MTRR: variants seen among roughly 807,000 people sequenced by gnomAD.
The protein encoded by MTRR is methionine synthase reductase.
Under a neutral mutation model 79.2 loss-of-function variants are expected in MTRR, and 63 were observed. That is an observed-to-expected ratio of 0.80 (90% CI 0.65 to 0.98). The LOEUF (loss-of-function observed/expected upper bound fraction) is 0.98, where lower values mean the gene tolerates loss of function less well. Among genes scored for constraint, MTRR ranks in the 50% least tolerant of loss-of-function variants. The pLI is 0.00. For synonymous variants in MTRR, 355 were observed against 313.3 expected, an observed-to-expected ratio of 1.13 and a Z score of -1.41; for missense variants, 895 against 839.6, an observed-to-expected ratio of 1.07 and a Z score of -0.82.
At position 7,878,015 on chromosome 5, in the gene MTRR, G is replaced by A. The variant is rs150853519; in HGVS notation, c.473G>A (p.Arg158Lys). Reference protein sequence around the residue: ...PALRKHFRSSRGQEEISGALP... With the variant: ...PALRKHFRSSKGQEEISGALP... ...CTCAGAAAGCATTTTAGGTCAAGCA[G>A]AGGACAAGAGGAGATAAGTGGCGCA... The change falls in exon 5 of 15, where the codon AGA (arginine) becomes AAA (lysine). Residue 158 changes from arginine (R) to lysine (K), a missense_variant. Coordinates refer to ENST00000440940, the MANE Select transcript of MTRR (RefSeq NM_002454.3). The A allele has an allele frequency of 1.9e-6, 3 of 1,613,764 alleles. No homozygotes were observed. Among genetic ancestry groups the A allele is most frequent in the Non-Finnish European group, 2.5e-6 (3 of 1,179,978 alleles).
chr5:7,896,460 C>CT, intron 12 of MTRR: 1 of 238,728 alleles, frequency 4.2e-6, no homozygotes, highest in Non-Finnish European at 8.2e-6. Flanking sequence ...ACAGATGTCT[C>CT]TGTCTCATCA....
chr5:7,885,955 G>A (rs1238909542), intron 7 of MTRR, 101 bp downstream of exon 7: 10 of 1,471,224 alleles, frequency 6.8e-6, no homozygotes, highest in East Asian at 2.3e-5. Flanking sequence ...TGTGTTGGCC[G>A]CACAGATGCC....
Position 7,886,640 on chromosome 5 carries a change from T to C in MTRR, c.1083T>C (p.Pro361=), listed in dbSNP as rs1405600544. 6.2e-6 allele frequency: 10 copies of C among 1,613,946 alleles called. No homozygotes were observed. In the Admixed American group the frequency reaches 6.7e-5, roughly 11 times the overall value. The change falls in exon 8 of 15, where the codon CCT becomes CCC. Residue 361 remains proline, a synonymous_variant. Transcript: ENST00000440940. ...KKGATLPQHI[P]AGCSLQFIFT... is the part of the protein sequence containing the mutation. ...GAGCTACCTTACCCCAGCATATACC[T>C]GCGGGATGTTCTCTCCAGTTCATTT...
intron 2 of MTRR, chr5:7,862,841 G>T (rs768752138): frequency 1.2e-6 from 2 of 1,613,088 alleles, no homozygotes; most frequent in Non-Finnish European, 1.7e-6. Context: ...TAACAATAGG[G>T]TGTCAACACT....
chr5:7,886,733 A>G (rs528550236), intron 8 of MTRR, 30 bp downstream of exon 8: 20 of 1,501,648 alleles, frequency 1.3e-5, no homozygotes, highest in East Asian at 2.3e-5. Flanking sequence ...TCAGGTAACT[A>G]TTTTAAAATA....
chr5:7,893,103 A>T lies in MTRR; in HGVS notation c.1557+190A>T, dbSNP rs1319133882. The T allele has an allele frequency of 1.4e-5, 9 of 653,456 alleles. No individual in the cohort carries two copies. The East Asian group carries it at 2.2e-4, about 16-fold the overall frequency. The allele number at this position is 653,456 out of a possible 1,614,324, so 40.5% of individuals were successfully genotyped here. On this transcript the variant is annotated intron_variant, in intron 11 of 14. Coordinates refer to ENST00000440940, the MANE Select transcript of MTRR (RefSeq NM_002454.3). Reference sequence around the variant, plus strand: ...CATGTACTCTTTAACTAGTGTGTGTATTTTCTGAATGTATAAAGCATGAAT... The same window carrying T: ...CATGTACTCTTTAACTAGTGTGTGTTTTTTCTGAATGTATAAAGCATGAAT...
At chr5:7,885,564 T>C in intron 6 of MTRR, 137 bp from the exon 7 acceptor site, 1 of 854,074 alleles carries the variant, frequency 1.2e-6, no homozygotes, top group South Asian at 1.8e-5. Context: ...AATTGTGTGT[T>C]TTTTTTTTTG....
In MTRR at chr5:7,885,872, G is replaced by A; in HGVS notation, c.1057+18G>A. The A allele has an allele frequency of 6.2e-7, 1 of 1,614,012 alleles. No homozygotes were observed. Among genetic ancestry groups the A allele is most frequent in the Non-Finnish European group, 8.5e-7 (1 of 1,179,936 alleles). On this transcript the variant is annotated intron_variant, in intron 7 of 14. Coordinates refer to ENST00000440940, the MANE Select transcript of MTRR (RefSeq NM_002454.3). Reference sequence around the variant, plus strand: ...GAAGAAAGGTAACAGCCCTGATGCTGTGACGTTGGGGTGTTGTGGGCCAGT... The same window carrying A: ...GAAGAAAGGTAACAGCCCTGATGCTATGACGTTGGGGTGTTGTGGGCCAGT...
At chr5:7,868,190 C>A (rs1747179097), upstream of MTRR, 23 of 294,188 alleles carry the variant, frequency 7.8e-5, no homozygotes, top group South Asian at 6.0e-4. Context: ...AAACTACAAA[C>A]GAGTATCTGG....
At chr5:7,887,790 G>GTATATA (rs1736780227) in intron 8 of MTRR, among the ~76,000 whole-genome samples, 1 of 63,558 alleles carries the variant, frequency 1.6e-5, no homozygotes, top group Admixed American at 2.2e-4. Context: ...GTGTGTGTGT[G>GTATATA]TGCATATATA....
intron 8 of MTRR, among the ~76,000 whole-genome samples, chr5:7,888,857 G>T (rs991633393): frequency 6.6e-6 from 1 of 152,162 alleles, no homozygotes; most frequent in African/African-American, 2.4e-5. Flanking sequence ...TAGACTTTGA[G>T]AATTGAGATT....
At chr5:7,872,963 A>G (rs1232710662) in intron 2 of MTRR, among the ~76,000 whole-genome samples, 1 of 152,024 alleles carries the variant, frequency 6.6e-6, no homozygotes, top group Non-Finnish European at 1.5e-5. Context: ...TGCAGATTTG[A>G]GCTCATGTTA....
At chr5:7,886,415 C>T (rs1736447442) in intron 7 of MTRR, among the ~76,000 whole-genome samples, 200 bp from the exon 8 acceptor site, 1 of 151,804 alleles carries the variant, frequency 6.6e-6, no homozygotes, top group African/African-American at 2.4e-5. Context: ...AATTTATAGT[C>T]TTCTTATGTT....
intron 14 of MTRR, among the ~76,000 whole-genome samples, chr5:7,898,595 A>T (rs1738934167): frequency 6.6e-6 from 1 of 152,180 alleles, no homozygotes; most frequent in African/African-American, 2.4e-5. Flanking sequence ...TCCCAAAGCC[A>T]AGAGGGTGCT....
upstream of MTRR, chr5:7,869,032 G>T: frequency 7.2e-7 from 1 of 1,392,558 alleles, no homozygotes. Context: ...TGGGCGTCGT[G>T]GGCCTCCGTA....
At chr5:7,873,294 A>G in intron 2 of MTRR, 79 bp from the exon 3 acceptor site, 1 of 1,559,344 alleles carries the variant, frequency 6.4e-7, no homozygotes, top group Non-Finnish European at 8.8e-7. Context: ...ACAGGAAACT[A>G]AGCTGATTGC....
Position 7,885,681 on chromosome 5 carries a change from TC to T in MTRR, c.904-19del. 6.3e-7 allele frequency: 1 copy of T among 1,597,556 alleles called. No homozygotes were observed. On this transcript the variant is annotated intron_variant, in intron 6 of 14. Coordinates refer to ENST00000440940, the MANE Select transcript of MTRR (RefSeq NM_002454.3). ...ACACGTATAATGTATTTTTTTTTTT[TC>T]ATTTTGGCTCTTCTCTAGAATACAG...
intron 5 of MTRR, 69 bp downstream of exon 5, chr5:7,878,391 A>G (rs887389986): frequency 1.3e-6 from 2 of 1,579,148 alleles, no homozygotes; most frequent in Non-Finnish European, 1.7e-6. Flanking sequence ...CTTTTAAATT[A>G]TTATTACATT....
chr5:7,856,164 C>T (rs1023956050), intron 1 of MTRR, among the ~76,000 whole-genome samples: 2 of 152,150 alleles, frequency 1.3e-5, no homozygotes, highest in African/African-American at 4.8e-5. Flanking sequence ...AAATGTGGAA[C>T]GTTGTATGCA....
Sources: gnomAD v4.1 joint callset for allele counts (sites outside exome capture counted in the v4.1 genomes callset) on GRCh38, gnomAD v4.1.1 for gene constraint, MANE v1.5 for transcripts, NCBI Gene and HGNC (gene_info 2026-07-23, HGNC 2026-07-21) for gene names.